The following BRI3 variants were observed in gnomAD, a reference collection of about 807,000 sequenced individuals.
The protein encoded by BRI3 is brain protein I3, also known as membrane protein BRI3.
BRI3 carries 6 observed loss-of-function variants against 12.8 expected under a neutral mutation model. The ratio of observed to expected loss-of-function variants is 0.47; its 90% confidence interval spans 0.26 to 0.93. The LOEUF (loss-of-function observed/expected upper bound fraction) is 0.93. Ranked by LOEUF, BRI3 falls within the 40% of genes least tolerant of loss-of-function variation. BRI3 has a pLI of 0.15. For missense variants in BRI3, 134 were observed against 171.1 expected, an observed-to-expected ratio of 0.78 and a Z score of 1.21; for synonymous variants, 91 against 76.1, an observed-to-expected ratio of 1.20 and a Z score of -1.02.
chr7:98,292,251 A>T, downstream of BRI3: 1 of 261,458 alleles, frequency 3.8e-6, no homozygotes, highest in Non-Finnish European at 7.6e-6. Flanking sequence ...CCAGCAACAC[A>T]CACGGTGAGC....
At chr7:98,304,443 G>C, upstream of BRI3, 1 of 1,535,542 alleles carries the variant, frequency 6.5e-7, no homozygotes, top group South Asian at 1.2e-5. Flanking sequence ...AACATCCTCT[G>C]TGTCCCTGAC....
chr7:98,310,120 G>C (rs992113766), exon 2 of BRI3: 1 of 226,480 alleles, frequency 4.4e-6, no homozygotes, highest in Non-Finnish European at 8.6e-6. Flanking sequence ...CAAAGGGCTG[G>C]GATTACAGGC....
the BRI3 span, chr7:98,315,555 A>G: frequency 6.7e-7 from 1 of 1,503,172 alleles, no homozygotes. Flanking sequence ...GCCTCTTTGC[A>G]ACCATCTGCA....
At chr7:98,315,157 TG>T (rs1224813614), downstream of BRI3, among the ~76,000 whole-genome samples, 1 of 152,228 alleles carries the variant, frequency 6.6e-6, no homozygotes, top group Non-Finnish European at 1.5e-5. Flanking sequence ...GGTCCCGCTC[TG>T]TTGCTCAGGT....
Position 98,300,270 on chromosome 7 carries a change from T to A in BRI3, c.72-6213T>A, listed in dbSNP as rs1584419708. Among the ~76,000 whole-genome samples, 4 of 152,038 alleles carry A rather than the reference T, an allele frequency of 2.6e-5. 1 individual carries two copies. The highest frequency in any genetic ancestry group is 2.6e-4 in the Admixed American group (4 of 15,238). ...CAGAACACACAGCCATTCCCCCTGC[T>A]CCCTGCTCCCGCCCTTGGAGCAGCA... On this transcript the variant is annotated intron_variant and NMD_transcript_variant, in intron 1 of 2. Coordinates refer to the BRI3 transcript ENST00000491463.
At chr7:98,282,586 G>A (rs1162215314) in intron 2 of BRI3, 133 bp downstream of exon 2, 2 of 725,226 alleles carry the variant, frequency 2.8e-6, no homozygotes, top group Admixed American at 4.9e-5. Flanking sequence ...CCCTTTATGG[G>A]AGGGACAGAC....
At chr7:98,312,403 G>T, downstream of BRI3, 1 of 851,572 alleles carries the variant, frequency 1.2e-6, no homozygotes, top group Non-Finnish European at 1.8e-6. Flanking sequence ...AACTCGGTGA[G>T]CACTTTAAGC....
chr7:98,323,363 T>G, the BRI3 span: 1 of 152,114 alleles, frequency 6.6e-6, no homozygotes, highest in African/African-American at 2.4e-5. Flanking sequence ...ATTTAGAAAA[T>G]CAGACACTCT....
chr7:98,310,314 T>C, exon 2 of BRI3: 1 of 986,952 alleles, frequency 1.0e-6, no homozygotes. Context: ...AAGCCAGGGC[T>C]GAATGTATCT....
At chr7:98,321,865 A>C in the BRI3 span, among the ~76,000 whole-genome samples, 4 of 152,292 alleles carry the variant, frequency 2.6e-5, no homozygotes, top group East Asian at 5.8e-4. Context: ...TGGGAGGCTG[A>C]GGTGGGAGTA....
exon 2 of BRI3, chr7:98,307,869 C>G: frequency 1.9e-6 from 3 of 1,614,220 alleles, no homozygotes; most frequent in South Asian, 1.1e-5. Context: ...CGAAACTGAT[C>G]GCTGTAAACT....
chr7:98,298,974 C>G (rs542983972), intron 1 of BRI3, among the ~76,000 whole-genome samples: 1 of 152,152 alleles, frequency 6.6e-6, no homozygotes, highest in Admixed American at 6.5e-5. Flanking sequence ...CCTGAGTAGA[C>G]TACAGGTATA....
chr7:98,294,831 G>A (rs911177964), downstream of BRI3, among the ~76,000 whole-genome samples: 6 of 152,220 alleles, frequency 3.9e-5, no homozygotes, highest in Non-Finnish European at 7.3e-5. Flanking sequence ...GAACCAAAGT[G>A]CAAAGGTGCC....
chr7:98,319,107 G>A, the BRI3 span, among the ~76,000 whole-genome samples: 2 of 152,170 alleles, frequency 1.3e-5, no homozygotes, highest in African/African-American at 4.8e-5. Flanking sequence ...GTCCTCACGA[G>A]GACGACAGGG....
downstream of BRI3, among the ~76,000 whole-genome samples, chr7:98,297,442 G>A (rs567141851): frequency 2.0e-5 from 3 of 152,230 alleles, no homozygotes; most frequent in South Asian, 4.1e-4. Flanking sequence ...CACTGCAGAG[G>A]GCAGGACAGA....
downstream of BRI3, chr7:98,294,002 A>C: frequency 6.5e-7 from 1 of 1,529,762 alleles, no homozygotes; most frequent in East Asian, 2.3e-5. Flanking sequence ...TGGGCACCGA[A>C]GGCCCTTCCG....
At chr7:98,292,887 C>G, downstream of BRI3, 4 of 1,432,706 alleles carry the variant, frequency 2.8e-6, no homozygotes, top group Non-Finnish European at 3.7e-6. Flanking sequence ...GAGATTTCGT[C>G]GAGTGCTACG....
At position 98,281,896 on chromosome 7, in the gene BRI3, C is replaced by G; in HGVS notation, c.101C>G (p.Pro34Arg). 1 of 1,302,508 alleles carries G rather than the reference C, an allele frequency of 7.7e-7. No homozygotes were observed. The highest frequency in any genetic ancestry group is 2.2e-5 in the South Asian group (1 of 46,374). 80.7% of individuals were successfully genotyped at this position (1,302,508 alleles called of 1,614,324 possible). ...GGCCCGCACGGCTACGGCGCCATCCCCGCCGCGCCCCCGCCGCCGCCCTAC... is the reference window on the plus strand; with the variant it reads ...GGCCCGCACGGCTACGGCGCCATCCGCGCCGCGCCCCCGCCGCCGCCCTAC... ...ACGPHGYGAI[P>R]AAPPPPPYPY... Residue 34 changes from proline (P) to arginine (R), a missense_variant, in exon 1 of 3, where the codon CCC (proline) becomes CGC (arginine). Physicochemically the swap from Pro to Arg is moderately radical, Grantham distance 103. Transcript: ENST00000297290.
intron 1 of BRI3, among the ~76,000 whole-genome samples, chr7:98,298,328 A>G (rs1218774558): frequency 6.7e-6 from 1 of 149,950 alleles, no homozygotes; most frequent in Non-Finnish European, 1.5e-5. Context: ...AAAAAACATT[A>G]GGGGCTGGGT....
Sources: allele counts gnomAD v4.1 joint callset (sites outside exome capture counted in the v4.1 genomes callset), GRCh38; gene constraint gnomAD v4.1.1; transcripts MANE v1.5; gene names NCBI Gene and HGNC (gene_info 2026-07-23, HGNC 2026-07-21).